RPTOR: variants seen among roughly 807,000 people sequenced by gnomAD.
The protein encoded by RPTOR is regulatory-associated protein of mTOR.
A neutral mutation model predicts 169.9 loss-of-function variants in RPTOR; 21 were observed. That is an observed-to-expected ratio of 0.12 (90% CI 0.09 to 0.18). RPTOR has a LOEUF of 0.18. Ranked by LOEUF, RPTOR falls within the 10% of genes least tolerant of loss-of-function variation. RPTOR has a pLI of 1.00. For synonymous variants in RPTOR, 732 were observed against 753.2 expected, an observed-to-expected ratio of 0.97 and a Z score of 0.46; for missense variants, 1,133 against 1,855.9, an observed-to-expected ratio of 0.61 and a Z score of 7.16.
At chr17:80,893,676 C>T (rs2143877626) in intron 19 of RPTOR, 31 bp from the exon 20 acceptor site, 1 of 1,593,770 alleles carries the variant, frequency 6.3e-7, no homozygotes, top group Non-Finnish European at 8.5e-7. Flanking sequence ...GTCCCGGGAG[C>T]ACCCCACTGA....
chr17:80,574,646 G>A (rs553569744), intron 1 of RPTOR, among the ~76,000 whole-genome samples: 1 of 151,738 alleles, frequency 6.6e-6, no homozygotes, highest in African/African-American at 2.4e-5. Flanking sequence ...AGATTTGTGC[G>A]TCCACTCTTT....
At chr17:80,919,535 AC>A (rs1256152793) in intron 21 of RPTOR, among the ~76,000 whole-genome samples, 11 of 152,258 alleles carry the variant, frequency 7.2e-5, no homozygotes, top group Admixed American at 7.2e-4. Flanking sequence ...TCTGAAATGT[AC>A]GGTATTTTCA....
chr17:80,689,589 C>T (rs2065974302), intron 3 of RPTOR, among the ~76,000 whole-genome samples: 1 of 152,236 alleles, frequency 6.6e-6, no homozygotes, highest in South Asian at 2.1e-4. Flanking sequence ...GCATGGTCTC[C>T]ATGTTTGCTG....
At chr17:80,557,107 C>T (rs2084419608) in intron 1 of RPTOR, among the ~76,000 whole-genome samples, 1 of 151,268 alleles carries the variant, frequency 6.6e-6, no homozygotes, top group Non-Finnish European at 1.5e-5. Context: ...TTGTTCCATT[C>T]TGAAGAGCTG....
intron 20 of RPTOR, among the ~76,000 whole-genome samples, chr17:80,903,758 C>T (rs1223226713): frequency 1.3e-5 from 2 of 152,140 alleles, no homozygotes; most frequent in African/African-American, 4.8e-5. Flanking sequence ...TCCGGCCAGG[C>T]CTCGAGGTCT....
At chr17:80,879,058 G>A (rs1011054228) in intron 13 of RPTOR, among the ~76,000 whole-genome samples, 4 of 152,012 alleles carry the variant, frequency 2.6e-5, no homozygotes, top group Non-Finnish European at 5.9e-5. Flanking sequence ...AGCCTGGCTT[G>A]GGTCAGGTTC....
chr17:80,644,296 T>A (rs2143599216), intron 3 of RPTOR, among the ~76,000 whole-genome samples: 1 of 143,780 alleles, frequency 7.0e-6, no homozygotes, highest in Non-Finnish European at 1.5e-5. Context: ...CAGTTACCAA[T>A]TAGTGTGTGG....
At chr17:80,594,551 A>G (rs2065131212) in intron 1 of RPTOR, among the ~76,000 whole-genome samples, 1 of 152,202 alleles carries the variant, frequency 6.6e-6, no homozygotes, top group Non-Finnish European at 1.5e-5. Context: ...AGCCATGTGA[A>G]CTGCACGGAG....
At position 80,857,840 on chromosome 17, in the gene RPTOR, G is replaced by A. The variant is rs199634293; in HGVS notation, c.1449G>A (p.Ser483=). The change falls in exon 13 of 34, where the codon TCG becomes TCA. Residue 483 remains serine (S), a synonymous_variant. Coordinates refer to ENST00000306801, the MANE Select transcript of RPTOR (RefSeq NM_020761.3). ...ACGTGCTGAAGCTGCTCCAGAGCTC[G>A]GCCCGAGAGCTGCGGCCACTTCTCG... ...FPYVLKLLQS[S]ARELRPLLVF... 339 of 1,613,000 alleles carry A rather than the reference G, an allele frequency of 2.1e-4. No homozygotes were observed. The South Asian group carries it at 2.1e-3, about 10-fold the overall frequency.
intron 6 of RPTOR, among the ~76,000 whole-genome samples, chr17:80,769,724 G>A (rs1216792585): frequency 6.6e-6 from 1 of 152,208 alleles, no homozygotes; most frequent in Non-Finnish European, 1.5e-5. Context: ...AGCAAGAGGA[G>A]GTGGAGAAAG....
At chr17:80,921,504 C>T (rs1282809054) in intron 21 of RPTOR, among the ~76,000 whole-genome samples, 4 of 152,372 alleles carry the variant, frequency 2.6e-5, no homozygotes, top group South Asian at 2.1e-4. Context: ...GGGCAGCGCA[C>T]GCCCTGCCTT....
intron 15 of RPTOR, 111 bp from the exon 16 acceptor site, chr17:80,883,670 C>T (rs1368332122): frequency 2.3e-6 from 3 of 1,311,962 alleles, no homozygotes; most frequent in Non-Finnish European, 3.2e-6. Context: ...GAAAATTGAG[C>T]AAATCAAGGC....
At chr17:80,567,099 T>C (rs2064851830) in intron 1 of RPTOR, among the ~76,000 whole-genome samples, 1 of 151,456 alleles carries the variant, frequency 6.6e-6, no homozygotes, top group Non-Finnish European at 1.5e-5. Flanking sequence ...GCCTCTCGAG[T>C]AGCTGGGATT....
intron 5 of RPTOR, among the ~76,000 whole-genome samples, chr17:80,745,884 G>C (rs138029016): frequency 6.6e-6 from 1 of 152,170 alleles, no homozygotes; most frequent in Non-Finnish European, 1.5e-5. Context: ...ATGTGAGGCC[G>C]GGCGCGGTGG....
In RPTOR at chr17:80,858,663, G is replaced by C. The variant is rs190392124; in HGVS notation, c.1509+763G>C. ...AGTGGGGCTGAGAAGTCGTGTGGGCGAGACCCGGCCTATGCTGAACTGGAA... is the reference window on the plus strand; with the variant it reads ...AGTGGGGCTGAGAAGTCGTGTGGGCCAGACCCGGCCTATGCTGAACTGGAA... On this transcript the variant is annotated intron_variant, in intron 13 of 33. Transcript: ENST00000306801. Among the ~76,000 whole-genome samples the C allele has an allele frequency of 2.5e-3, 376 of 152,262 alleles. 1 individual carries two copies. The highest frequency in any genetic ancestry group is 5.8e-3 in the Admixed American group (89 of 15,302).
rs139128560 is a variant in RPTOR at position 80,708,054 on chromosome 17, G to A, written c.507+55G>A. ...TTCTGCCAAAAGCCATGCCAATTGC[G>A]GTGGTCGGAGCAGGTCCTGCCCATC... On this transcript the variant is annotated intron_variant, in intron 4 of 33. Transcript: ENST00000306801. This position sits in a 1 kb window ranked among gnomAD's most constrained non-coding sequence, Gnocchi z 4.2. 390 of 1,559,534 alleles carry A rather than the reference G, an allele frequency of 2.5e-4. No individual in the cohort carries two copies. The East Asian group carries it at 4.1e-3, about 16-fold the overall frequency.
chr17:80,651,594 A>G lies in RPTOR; in HGVS notation c.348+7784A>G, dbSNP rs2065640101. On this transcript the variant is annotated intron_variant, in intron 3 of 33. Coordinates refer to ENST00000306801, the MANE Select transcript of RPTOR (RefSeq NM_020761.3). The surrounding 1 kb of genome is among the most constrained non-coding windows in gnomAD (Gnocchi z 4.1). ...TCAAGTTCACCATTTTAAAGTGTAC[A>G]ACTTGGCTGGGCGCAGTGGCTCGCG... is the stretch of plus-strand genomic sequence containing the variant. 1.3e-5 allele frequency among the ~76,000 whole-genome samples: 2 copies of G among 152,232 alleles called. No homozygotes were observed. Among genetic ancestry groups the G allele is most frequent in the Admixed American group, 1.3e-4 (2 of 15,290 alleles).
chr17:80,893,974 T>C (rs2068366909), intron 20 of RPTOR, 109 bp downstream of exon 20: 3 of 1,155,664 alleles, frequency 2.6e-6, no homozygotes, highest in Admixed American at 2.8e-5. Flanking sequence ...CAAAACTGTC[T>C]GTTCAAAAGA....
At chr17:80,687,258 C>A (rs2065955589) in intron 3 of RPTOR, among the ~76,000 whole-genome samples, 1 of 152,232 alleles carries the variant, frequency 6.6e-6, no homozygotes, top group Non-Finnish European at 1.5e-5. Flanking sequence ...TCGTTACCCT[C>A]TTCCTGTTTC....
Sources: allele counts gnomAD v4.1 joint callset (sites outside exome capture counted in the v4.1 genomes callset), GRCh38; gene constraint gnomAD v4.1.1; non-coding constraint Gnocchi (gnomAD v3.1); transcripts MANE v1.5; gene names NCBI Gene and HGNC (gene_info 2026-07-23, HGNC 2026-07-21).